CASD1: variants seen among roughly 807,000 people sequenced by gnomAD.
CASD1 encodes the protein N-acetylneuraminate (7)9-O-acetyltransferase.
CASD1 carries 41 observed loss-of-function variants against 100.0 expected under a neutral mutation model. That is an observed-to-expected ratio of 0.41 (90% CI 0.32 to 0.53). CASD1 has a LOEUF of 0.53. CASD1 is among the 20% of genes least tolerant of loss of function. The pLI, the probability that CASD1 is intolerant of heterozygous loss-of-function variation, is 0.25. For missense variants in CASD1, 774 were observed against 948.7 expected, an observed-to-expected ratio of 0.82 and a Z score of 2.42; for synonymous variants, 321 against 315.6, an observed-to-expected ratio of 1.02 and a Z score of -0.18.
At chr7:94,533,350 AT>A in intron 6 of CASD1, 101 bp downstream of exon 6, 1 of 877,496 alleles carries the variant, frequency 1.1e-6, no homozygotes, top group Admixed American at 2.4e-5. Context: ...TTGTACCTAA[AT>A]TTTTAATTCC....
the CASD1 span, chr7:94,623,260 T>G: frequency 1.0e-6 from 1 of 966,120 alleles, no homozygotes; most frequent in Non-Finnish European, 1.6e-6. Context: ...ATATTTTATG[T>G]AGTTATAAAA....
At chr7:94,530,899 A>G (rs999522070) in intron 5 of CASD1, among the ~76,000 whole-genome samples, 6 of 152,116 alleles carry the variant, frequency 3.9e-5, no homozygotes, top group Admixed American at 3.9e-4. Context: ...CAGGGGAGGT[A>G]AGGATTTTAA....
chr7:94,590,798 T>C, the CASD1 span: 1 of 152,142 alleles, frequency 6.6e-6, no homozygotes, highest in Non-Finnish European at 1.5e-5. Context: ...TTCTAAGAAA[T>C]CTGTAAAAAA....
the CASD1 span, chr7:94,622,530 G>A: frequency 6.6e-6 from 1 of 151,930 alleles, no homozygotes; most frequent in African/African-American, 2.4e-5. Flanking sequence ...TCGGGAGGCT[G>A]AGGCAGGAGA....
chr7:94,527,130 C>T, intron 3 of CASD1, 32 bp from the exon 4 acceptor site: 1 of 1,528,448 alleles, frequency 6.5e-7, no homozygotes, highest in Non-Finnish European at 9.0e-7. Context: ...TTAATCTATA[C>T]ATTAATATTT....
intron 3 of CASD1, among the ~76,000 whole-genome samples, chr7:94,519,723 T>G (rs1794166133): frequency 6.6e-6 from 1 of 152,160 alleles, no homozygotes; most frequent in Admixed American, 6.5e-5. Context: ...CCCAAGCTGG[T>G]CTTAAACTTC....
chr7:94,581,355 A>T, the CASD1 span, among the ~76,000 whole-genome samples: 12 of 152,016 alleles, frequency 7.9e-5, no homozygotes, highest in Non-Finnish European at 1.5e-4. Context: ...ATCAAATGAC[A>T]TTTTTTTCAT....
At chr7:94,531,491 T>C (rs1408760752) in intron 5 of CASD1, among the ~76,000 whole-genome samples, 1 of 152,084 alleles carries the variant, frequency 6.6e-6, no homozygotes, top group Non-Finnish European at 1.5e-5. Flanking sequence ...AGAGACTGTA[T>C]ATGGAATGTA....
chr7:94,582,478 A>G, the CASD1 span, among the ~76,000 whole-genome samples: 2 of 152,152 alleles, frequency 1.3e-5, no homozygotes, highest in South Asian at 2.1e-4. Context: ...ACAATTGTCT[A>G]TTCATGTCCT....
chr7:94,534,159 A>ATTTTTT (rs56864121), intron 7 of CASD1, among the ~76,000 whole-genome samples: 2 of 100,536 alleles, frequency 2.0e-5, no homozygotes, highest in Non-Finnish European at 3.8e-5. Context: ...CTGTTTCATA[A>ATTTTTT]TTTTTTTTTT....
the CASD1 span, among the ~76,000 whole-genome samples, chr7:94,583,686 T>C: frequency 2.0e-5 from 3 of 152,178 alleles, no homozygotes; most frequent in African/African-American, 4.8e-5. Flanking sequence ...GCTGAAAATG[T>C]ACAGAACCAC....
At chr7:94,530,324 T>C (rs1392733924) in intron 5 of CASD1, among the ~76,000 whole-genome samples, 1 of 152,170 alleles carries the variant, frequency 6.6e-6, no homozygotes, top group Non-Finnish European at 1.5e-5. Flanking sequence ...GCAGTTTTAG[T>C]GGAGCTGACA....
At chr7:94,606,165 C>T in the CASD1 span, among the ~76,000 whole-genome samples, 1 of 151,968 alleles carries the variant, frequency 6.6e-6, no homozygotes, top group Admixed American at 6.6e-5. Context: ...TCTAAATACC[C>T]CATTGAAAAG....
chr7:94,511,535 C>G lies in CASD1; in HGVS notation c.133+1318C>G, dbSNP rs79183832. On this transcript the variant is annotated intron_variant, in intron 1 of 17. Transcript: ENST00000297273. The stretch of plus-strand genomic sequence containing the variant: ...CAGCTCTCTCCAGATCACAGCCATA[C>G]GACCTTGCAAGGCCTTGGTTTATCT... Among the ~76,000 whole-genome samples, 854 of 152,286 alleles carry G rather than the reference C, an allele frequency of 5.6e-3. 3 individuals carry two copies. The highest frequency in any genetic ancestry group is 0.01 in the Middle Eastern group (3 of 294).
At chr7:94,600,793 T>C in the CASD1 span, 3 of 1,613,422 alleles carry the variant, frequency 1.9e-6, no homozygotes, top group Non-Finnish European at 2.5e-6. Context: ...TTCTCCACCA[T>C]CAGGTAAAAT....
At chr7:94,544,647 G>A (rs530220135) in intron 11 of CASD1, 117 bp downstream of exon 11, 2 of 1,014,510 alleles carry the variant, frequency 2.0e-6, no homozygotes, top group Non-Finnish European at 2.8e-6. Context: ...TTGAATTTAT[G>A]AAATAGCACT....
the CASD1 span, chr7:94,597,519 A>G: frequency 6.6e-6 from 1 of 152,074 alleles, no homozygotes. Flanking sequence ...CTTTAATATT[A>G]TATCCTAAGG....
Position 94,535,348 on chromosome 7 carries a change from T to A in CASD1, c.668T>A (p.Met223Lys). The change falls in exon 8 of 18, where the codon ATG becomes AAG. Residue 223 changes from methionine to lysine, a missense_variant. Physicochemically the swap from Met to Lys is moderately conservative, Grantham distance 95. Around this residue, in one of 5 missense-constraint regions of CASD1, gnomAD observed 453 missense variants for 532.6 expected, o/e 0.85. Transcript: ENST00000297273. ...GATCTATTAAGTGAAAATAGGAAGA[T>A]GATCACTAATGAGAAGATAGATGCT... Reference protein sequence around the residue: ...YEDLLSENRKMITNEKIDAYN... With the variant: ...YEDLLSENRKKITNEKIDAYN... The A allele has an allele frequency of 6.2e-7, 1 of 1,613,426 alleles. No homozygotes were observed. The highest frequency in any genetic ancestry group is 1.1e-5 in the South Asian group (1 of 91,058).
chr7:94,628,008 G>C, the CASD1 span: 1 of 522,892 alleles, frequency 1.9e-6, no homozygotes, highest in Non-Finnish European at 3.4e-6. Context: ...TATAAAAGCT[G>C]AAACAAAAAC....
Sources: allele counts gnomAD v4.1 joint callset (sites outside exome capture counted in the v4.1 genomes callset), GRCh38; gene constraint gnomAD v4.1.1; regional missense constraint gnomAD v4.1.1; transcripts MANE v1.5; gene names NCBI Gene and HGNC (gene_info 2026-07-23, HGNC 2026-07-21).